LRBA: variants seen among roughly 807,000 people sequenced by gnomAD.
LRBA encodes lipopolysaccharide-responsive and beige-like anchor protein.
A neutral mutation model predicts 330.0 loss-of-function variants in LRBA; 176 were observed. The observed-to-expected ratio is 0.53, with a 90% confidence interval of 0.47 to 0.60. The LOEUF is 0.60. LRBA is among the 20% of genes least tolerant of loss of function. LRBA has a pLI of 0.00. For missense variants in LRBA, 3,259 were observed against 3,444.8 expected, an observed-to-expected ratio of 0.95 and a Z score of 1.35; for synonymous variants, 1,230 against 1,193.0, an observed-to-expected ratio of 1.03 and a Z score of -0.64.
chr4:150,813,763 A>T (rs932370685), intron 31 of LRBA, among the ~76,000 whole-genome samples: 2 of 152,144 alleles, frequency 1.3e-5, no homozygotes, highest in African/African-American at 4.8e-5. Context: ...AATATATAAC[A>T]GAAAATATGA....
intron 17 of LRBA, among the ~76,000 whole-genome samples, chr4:150,880,364 G>A (rs576863076): frequency 1.3e-5 from 2 of 152,018 alleles, no homozygotes; most frequent in East Asian, 1.9e-4. Context: ...TACAAAAAAC[G>A]CAAAAATCAT....
chr4:150,721,061 T>C, intron 36 of LRBA: 1 of 566,586 alleles, frequency 1.8e-6, no homozygotes, highest in South Asian at 1.4e-5. Flanking sequence ...ATCCTCCAGT[T>C]AATAGGAATT....
intron 2 of LRBA, among the ~76,000 whole-genome samples, chr4:151,001,356 G>T (rs1275872681): frequency 6.6e-6 from 1 of 152,106 alleles, no homozygotes; most frequent in East Asian, 1.9e-4. Flanking sequence ...TCCAGGGCCT[G>T]GGAACCACCC....
At chr4:150,385,231 T>A (rs1742888866) in intron 47 of LRBA, among the ~76,000 whole-genome samples, 1 of 152,124 alleles carries the variant, frequency 6.6e-6, no homozygotes, top group African/African-American at 2.4e-5. Context: ...CAGATCATCT[T>A]GAATGAGCAG....
intron 52 of LRBA, among the ~76,000 whole-genome samples, chr4:150,305,160 A>G (rs1221398012): frequency 6.6e-6 from 1 of 152,220 alleles, no homozygotes; most frequent in Admixed American, 6.5e-5. Context: ...TTCTTAGTGC[A>G]GTAGGAGGCT....
intron 35 of LRBA, among the ~76,000 whole-genome samples, chr4:150,760,276 G>A (rs1360811773): frequency 6.6e-6 from 1 of 152,064 alleles, no homozygotes; most frequent in African/African-American, 2.4e-5. Flanking sequence ...CTATGAATTA[G>A]TAATCACTGA....
intron 37 of LRBA, among the ~76,000 whole-genome samples, chr4:150,636,166 T>A (rs1005298264): frequency 6.6e-6 from 1 of 151,510 alleles, no homozygotes; most frequent in Non-Finnish European, 1.5e-5. Flanking sequence ...AGCTTTTTTT[T>A]TTTTTTTTTT....
At chr4:150,509,910 G>C (rs1267814788) in intron 40 of LRBA, among the ~76,000 whole-genome samples, 1 of 152,228 alleles carries the variant, frequency 6.6e-6, no homozygotes, top group Admixed American at 6.5e-5. Flanking sequence ...ACAGAAGCAG[G>C]CAGATTACTT....
chr4:150,905,734 C>A, intron 13 of LRBA, 104 bp downstream of exon 13: 1 of 988,466 alleles, frequency 1.0e-6, no homozygotes, highest in Non-Finnish European at 1.5e-6. Context: ...TGAAGTCTTG[C>A]ATAATAGTAC....
chr4:150,302,885 C>A (rs1377265862), intron 52 of LRBA, 93 bp from the exon 53 acceptor site: 1 of 808,658 alleles, frequency 1.2e-6, no homozygotes, highest in Non-Finnish European at 1.9e-6. Flanking sequence ...GCTATATGAA[C>A]TCTGATGGTC....
chr4:150,422,311 C>T lies in LRBA; in HGVS notation c.7042-6721G>A, dbSNP rs908396172. On this transcript the variant is annotated intron_variant, in intron 46 of 56. Transcript: ENST00000651943. ...ATCATCTGCAAAGCCATGTTGGGAG[C>T]ACAACTGTTTCCCATAGGCTTTCTT... 2.8e-4 allele frequency among the ~76,000 whole-genome samples: 42 copies of T among 152,120 alleles called. 2 individuals are homozygous for T. Among genetic ancestry groups the T allele is most frequent in the Admixed American group, 2.7e-3 (41 of 15,262 alleles).
chr4:150,852,262 T>C lies in LRBA; in HGVS notation c.3448A>G (p.Asn1150Asp), dbSNP rs139025521. 6 of 1,614,000 alleles carry C rather than the reference T, an allele frequency of 3.7e-6. No homozygotes were observed. In the African/African-American group the frequency reaches 8.0e-5, roughly 22 times the overall value. ...EAGEKLDMFGNDDKLIFQEGK... is the reference protein window; with the variant it reads ...EAGEKLDMFGDDDKLIFQEGK... ...TCTTGAAATATTAATTTGTCATCAT[T>C]ACCAAACATGTCCAGTTTTTCACCG... is the stretch of plus-strand genomic sequence containing the variant. The change falls in exon 23 of 57, where the codon AAT becomes GAT. Residue 1150 changes from asparagine (N) to aspartate (D), a missense_variant. By Grantham distance (23) the Asn-to-Asp change is conservative. Coordinates refer to ENST00000651943, the MANE Select transcript of LRBA (RefSeq NM_001364905.1).
At chr4:150,376,777 C>A (rs1000390393) in intron 47 of LRBA, among the ~76,000 whole-genome samples, 2 of 152,118 alleles carry the variant, frequency 1.3e-5, no homozygotes, top group Non-Finnish European at 1.5e-5. Flanking sequence ...GTAAAGATAA[C>A]CCCGGGTGTT....
chr4:150,377,650 T>A (rs1341635179), intron 47 of LRBA, among the ~76,000 whole-genome samples: 1 of 152,154 alleles, frequency 6.6e-6, no homozygotes, highest in Non-Finnish European at 1.5e-5. Flanking sequence ...TAGGTCAGGT[T>A]TTATAATATA....
intron 56 of LRBA, among the ~76,000 whole-genome samples, chr4:150,271,680 C>T (rs527413685): frequency 1.4e-4 from 22 of 152,228 alleles, no homozygotes; most frequent in Admixed American, 1.0e-3. Context: ...GGGGGAGGAG[C>T]GTCCGCCATT....
chr4:150,624,063 C>T lies in LRBA; in HGVS notation c.5922-24932G>A, dbSNP rs115459998. ...ACAGATTACATTATTGTTTTCATTTCGTAAACATATTCAAGTAAAATGTTT... is the reference window on the plus strand; with the variant it reads ...ACAGATTACATTATTGTTTTCATTTTGTAAACATATTCAAGTAAAATGTTT... On this transcript the variant is annotated intron_variant, in intron 37 of 56. Coordinates refer to ENST00000651943, the MANE Select transcript of LRBA (RefSeq NM_001364905.1). Among the ~76,000 whole-genome samples the T allele has an allele frequency of 6.0e-3, 917 of 152,110 alleles. 6 individuals are homozygous for T. The highest frequency in any genetic ancestry group is 0.02 in the African/African-American group (844 of 41,508).
intron 34 of LRBA, among the ~76,000 whole-genome samples, chr4:150,772,821 G>A (rs1418179758): frequency 6.6e-6 from 1 of 152,106 alleles, no homozygotes; most frequent in African/African-American, 2.4e-5. Flanking sequence ...GCCTTCTCTT[G>A]TTCTGAGTTC....
At chr4:150,748,589 C>T (rs1178712930) in intron 35 of LRBA, among the ~76,000 whole-genome samples, 2 of 151,756 alleles carry the variant, frequency 1.3e-5, no homozygotes, top group African/African-American at 2.4e-5. Flanking sequence ...ATCGCTTGAA[C>T]CTGGGAGACA....
At chr4:150,671,815 G>A (rs1326655292) in intron 37 of LRBA, among the ~76,000 whole-genome samples, 2 of 152,196 alleles carry the variant, frequency 1.3e-5, no homozygotes, top group Non-Finnish European at 2.9e-5. Context: ...CAGCAAGAAA[G>A]GGAGGAGAGT....
Sources: allele counts gnomAD v4.1 joint callset (sites outside exome capture counted in the v4.1 genomes callset), GRCh38; gene constraint gnomAD v4.1.1; transcripts MANE v1.5; gene names NCBI Gene and HGNC (gene_info 2026-07-23, HGNC 2026-07-21).